CSMD1: variants seen among roughly 807,000 people sequenced by gnomAD.
CSMD1 encodes the protein CUB and Sushi multiple domains 1.
In CSMD1, 213 loss-of-function variants were observed where a neutral mutation model predicts 417.5. That is an observed-to-expected ratio of 0.51 (90% CI 0.46 to 0.57). CSMD1 has a LOEUF of 0.57. CSMD1 is among the 20% of genes least tolerant of loss of function. The pLI, the probability that CSMD1 is intolerant of heterozygous loss-of-function variation, is 0.00. For synonymous variants in CSMD1, 2,862 were observed against 1,736.8 expected (o/e 1.65, Z -16.11); for missense variants, 6,923 against 4,529.7 (o/e 1.53, Z -15.17).
chr8:4,340,924 T>C (rs1175486540), intron 3 of CSMD1, among the ~76,000 whole-genome samples: 1 of 152,022 alleles, frequency 6.6e-6, no homozygotes. Flanking sequence ...AGCGGAGAGA[T>C]TTCTAGGCCT....
intron 2 of CSMD1, among the ~76,000 whole-genome samples, chr8:4,615,702 G>A (rs922008687): frequency 6.6e-6 from 1 of 152,020 alleles, no homozygotes; most frequent in Non-Finnish European, 1.5e-5. Context: ...AAACTGTTCT[G>A]TTAATTTTTT....
At chr8:3,919,708 G>T (rs1563211426) in intron 5 of CSMD1, among the ~76,000 whole-genome samples, 1 of 152,052 alleles carries the variant, frequency 6.6e-6, no homozygotes, top group African/African-American at 2.4e-5. Context: ...CTTTGAATCT[G>T]TAGATGACTT....
intron 3 of CSMD1, among the ~76,000 whole-genome samples, chr8:4,215,748 G>C (rs1446721573): frequency 1.3e-5 from 2 of 152,134 alleles, no homozygotes; most frequent in Middle Eastern, 3.4e-3. Context: ...AATACTTCCT[G>C]TCACTTTTTC....
intron 1 of CSMD1, among the ~76,000 whole-genome samples, chr8:4,887,165 A>G (rs1261697667): frequency 6.6e-6 from 1 of 152,064 alleles, no homozygotes; most frequent in Non-Finnish European, 1.5e-5. Flanking sequence ...AAGATCTGAT[A>G]TGTTCAGTCA....
At chr8:3,514,914 T>A (rs1337902191) in intron 10 of CSMD1, among the ~76,000 whole-genome samples, 1 of 152,184 alleles carries the variant, frequency 6.6e-6, no homozygotes, top group East Asian at 1.9e-4. Context: ...ATCTATATGC[T>A]AAAGGCTGCC....
chr8:3,645,729 G>T (rs541307792), intron 7 of CSMD1, among the ~76,000 whole-genome samples: 121 of 152,332 alleles, frequency 7.9e-4, no homozygotes, highest in Non-Finnish European at 1.4e-3. Flanking sequence ...CATGGAAGCT[G>T]CTGGCATCTG....
intron 49 of CSMD1, among the ~76,000 whole-genome samples, chr8:3,076,173 G>C (rs895489017): frequency 8.5e-5 from 13 of 152,180 alleles, no homozygotes; most frequent in Non-Finnish European, 1.8e-4. Flanking sequence ...TTTTCTCACA[G>C]TCCTGGAGGC....
At chr8:4,446,733 C>CTGTGTG (rs758084825) in intron 2 of CSMD1, among the ~76,000 whole-genome samples, 44 of 134,114 alleles carry the variant, frequency 3.3e-4, no homozygotes, top group East Asian at 1.8e-3. Flanking sequence ...GTGTGTGTGT[C>CTGTGTG]TGTGTGTGTG....
chr8:3,813,636 ATAT>A (rs1801209005), intron 5 of CSMD1, among the ~76,000 whole-genome samples: 1 of 152,182 alleles, frequency 6.6e-6, no homozygotes, highest in African/African-American at 2.4e-5. Flanking sequence ...AATAATGAAC[ATAT>A]TATGTTAATT....
chr8:4,182,057 T>C (rs1038038691), intron 3 of CSMD1, among the ~76,000 whole-genome samples: 4 of 151,896 alleles, frequency 2.6e-5, no homozygotes, highest in Non-Finnish European at 4.4e-5. Flanking sequence ...TGTGTGTGTG[T>C]GTGTATACCT....
chr8:4,964,495 C>G (rs377609200), intron 1 of CSMD1, among the ~76,000 whole-genome samples: 115 of 67,742 alleles, frequency 1.7e-3, no homozygotes, highest in Middle Eastern at 0.018. Flanking sequence ...CAGCAAGACC[C>G]TGTCTCCAAA....
intron 3 of CSMD1, among the ~76,000 whole-genome samples, chr8:4,259,878 A>T (rs765487362): frequency 6.6e-6 from 1 of 152,190 alleles, no homozygotes; most frequent in Non-Finnish European, 1.5e-5. Context: ...GCTTAAGTTA[A>T]TTTATTTTTT....
At chr8:4,120,421 T>G (rs192288512) in intron 3 of CSMD1, among the ~76,000 whole-genome samples, 5 of 152,180 alleles carry the variant, frequency 3.3e-5, no homozygotes, top group Admixed American at 1.3e-4. Flanking sequence ...GTTTGTTGAG[T>G]TTTCTCTCCT....
chr8:3,729,844 T>C (rs1451097754), intron 6 of CSMD1, among the ~76,000 whole-genome samples: 1 of 149,058 alleles, frequency 6.7e-6, no homozygotes, highest in Non-Finnish European at 1.5e-5. Context: ...ACCTTGCATA[T>C]TCCATGTATT....
intron 1 of CSMD1, among the ~76,000 whole-genome samples, chr8:4,827,781 C>G (rs1194363766): frequency 2.0e-5 from 3 of 152,166 alleles, no homozygotes; most frequent in African/African-American, 7.2e-5. Context: ...GATTGAAATT[C>G]AGCTCCTGCT....
intron 23 of CSMD1, among the ~76,000 whole-genome samples, chr8:3,311,417 T>G (rs113307829): frequency 0.019 from 2,831 of 152,168 alleles, 86 homozygotes; most frequent in African/African-American, 0.064. Flanking sequence ...ACCCAGCTAA[T>G]TTTTGTATTT....
chr8:4,486,194 T>C (rs1306154640), intron 2 of CSMD1, among the ~76,000 whole-genome samples: 1 of 11,058 alleles, frequency 9.0e-5, no homozygotes, highest in African/African-American at 3.8e-4. Context: ...TATATATATA[T>C]ATATACATAC....
At chr8:4,352,774 T>G (rs117995992) in intron 3 of CSMD1, among the ~76,000 whole-genome samples, 2,330 of 152,344 alleles carry the variant, frequency 0.015, 26 homozygotes, top group Middle Eastern at 0.034. Context: ...CAGACAAATC[T>G]ACTGTTGGAA....
intron 2 of CSMD1, among the ~76,000 whole-genome samples, chr8:4,516,486 C>T (rs756182217): frequency 1.3e-5 from 2 of 152,106 alleles, no homozygotes; most frequent in Non-Finnish European, 2.9e-5. Flanking sequence ...GGCTGGACCC[C>T]GGGCCCTTCT....
Sources: allele counts gnomAD v4.1 joint callset (sites outside exome capture counted in the v4.1 genomes callset), GRCh38; gene constraint gnomAD v4.1.1; transcripts MANE v1.5; gene names NCBI Gene and HGNC (gene_info 2026-07-23, HGNC 2026-07-21).